Variants in KCNQ5 observed in about 807,000 individuals in gnomAD.
The protein encoded by KCNQ5 is potassium voltage-gated channel subfamily KQT member 5.
Under a neutral mutation model 98.2 loss-of-function variants are expected in KCNQ5, and 30 were observed. The observed-to-expected ratio is 0.31, with a 90% CI of 0.23 to 0.41. The LOEUF (loss-of-function observed/expected upper bound fraction) is 0.41. Among genes scored for constraint, KCNQ5 ranks in the 10% least tolerant of loss-of-function variants. KCNQ5 has a pLI of 1.00. For missense variants in KCNQ5, 835 were observed against 1,182.5 expected (o/e 0.71, Z 4.31); for synonymous variants, 458 against 449.4 (o/e 1.02, Z -0.24).
intron 1 of KCNQ5, among the ~76,000 whole-genome samples, chr6:72,970,110 T>A (rs905878382): frequency 2.0e-5 from 3 of 151,912 alleles, no homozygotes; most frequent in Non-Finnish European, 4.4e-5. Flanking sequence ...ATAAAATAAA[T>A]TAGCAGGGCA....
intron 9 of KCNQ5, 138 bp from the exon 10 acceptor site, chr6:73,133,283 A>T (rs1335532028): frequency 1.4e-6 from 1 of 694,544 alleles, no homozygotes; most frequent in African/African-American, 1.8e-5. Context: ...TAAGGGAAAA[A>T]TAATTGCTAT....
At chr6:72,696,128 G>T (rs374503597) in intron 1 of KCNQ5, among the ~76,000 whole-genome samples, 1 of 152,078 alleles carries the variant, frequency 6.6e-6, no homozygotes, top group African/African-American at 2.4e-5. Flanking sequence ...TCACTTCTCC[G>T]CATGAGAAAC....
intron 7 of KCNQ5, among the ~76,000 whole-genome samples, chr6:73,118,834 A>T (rs745617986): frequency 3.3e-5 from 5 of 152,152 alleles, no homozygotes; most frequent in Non-Finnish European, 5.9e-5. Flanking sequence ...CAGCCTGGCC[A>T]ACATAGTGAA....
At chr6:72,918,293 A>G (rs1780250911) in intron 1 of KCNQ5, among the ~76,000 whole-genome samples, 1 of 152,098 alleles carries the variant, frequency 6.6e-6, no homozygotes, top group Non-Finnish European at 1.5e-5. Flanking sequence ...TTATTTAAGT[A>G]TGGGACCCCT....
chr6:72,657,293 T>C (rs893109980), intron 1 of KCNQ5, among the ~76,000 whole-genome samples: 3 of 152,130 alleles, frequency 2.0e-5, no homozygotes, highest in African/African-American at 7.2e-5. Context: ...TTTCACAAAT[T>C]TGTTTTAGCC....
At chr6:72,954,437 A>G (rs936133792) in intron 1 of KCNQ5, among the ~76,000 whole-genome samples, 2 of 152,212 alleles carry the variant, frequency 1.3e-5, no homozygotes, top group African/African-American at 4.8e-5. Flanking sequence ...CAGTGTATCC[A>G]CTTAAGGAAG....
At chr6:72,849,906 T>G (rs1431055092) in intron 1 of KCNQ5, among the ~76,000 whole-genome samples, 3 of 152,186 alleles carry the variant, frequency 2.0e-5, no homozygotes, top group Non-Finnish European at 4.4e-5. Flanking sequence ...TTGTTGGAAT[T>G]TATAATACAC....
At chr6:72,680,841 G>C (rs1388733027) in intron 1 of KCNQ5, among the ~76,000 whole-genome samples, 1 of 152,136 alleles carries the variant, frequency 6.6e-6, no homozygotes, top group Non-Finnish European at 1.5e-5. Flanking sequence ...TTCCTCATTG[G>C]CTTTGTTGGA....
At chr6:73,115,198 G>GA (rs913703148) in intron 7 of KCNQ5, among the ~76,000 whole-genome samples, 28 of 150,936 alleles carry the variant, frequency 1.9e-4, no homozygotes, top group Admixed American at 4.6e-4. Context: ...ATGAAGGCAG[G>GA]AAAAAAAACA....
chr6:72,867,919 G>A (rs980464129), intron 1 of KCNQ5, among the ~76,000 whole-genome samples: 1 of 151,928 alleles, frequency 6.6e-6, no homozygotes, highest in African/African-American at 2.4e-5. Context: ...GGGCAAGAGT[G>A]AGACTCTAAA....
intron 2 of KCNQ5, among the ~76,000 whole-genome samples, chr6:73,041,050 G>T (rs1771663180): frequency 6.6e-6 from 1 of 152,138 alleles, no homozygotes; most frequent in Admixed American, 6.5e-5. Flanking sequence ...TTTAAAACAA[G>T]AAAGTGAATT....
At chr6:72,868,995 T>G (rs1239369649) in intron 1 of KCNQ5, among the ~76,000 whole-genome samples, 1 of 152,122 alleles carries the variant, frequency 6.6e-6, no homozygotes, top group Non-Finnish European at 1.5e-5. Flanking sequence ...ACTGTAATGT[T>G]CCTAACACAA....
At chr6:72,731,401 TAAC>T (rs1770544627) in intron 1 of KCNQ5, among the ~76,000 whole-genome samples, 3 of 152,218 alleles carry the variant, frequency 2.0e-5, no homozygotes, top group Non-Finnish European at 4.4e-5. Flanking sequence ...CTATCCCAAA[TAAC>T]AGTGTCTTTC....
chr6:73,048,137 T>C (rs1006069083), intron 3 of KCNQ5, among the ~76,000 whole-genome samples: 1 of 152,202 alleles, frequency 6.6e-6, no homozygotes, highest in African/African-American at 2.4e-5. Context: ...AAAAACAAGA[T>C]AATGTCATCT....
chr6:73,166,707 G>A (rs910947357), intron 10 of KCNQ5, among the ~76,000 whole-genome samples: 16 of 152,066 alleles, frequency 1.1e-4, no homozygotes, highest in Admixed American at 9.8e-4. Context: ...GAAATCATGG[G>A]CTCATTATGG....
chr6:73,064,674 C>T (rs1334861038), intron 3 of KCNQ5, among the ~76,000 whole-genome samples: 1 of 152,096 alleles, frequency 6.6e-6, no homozygotes, highest in African/African-American at 2.4e-5. Flanking sequence ...ATTGCTGTTC[C>T]TAAAAGCTGT....
chr6:72,671,623 A>C (rs1767111039), intron 1 of KCNQ5, among the ~76,000 whole-genome samples: 1 of 152,188 alleles, frequency 6.6e-6, no homozygotes, highest in South Asian at 2.1e-4. Context: ...TTTATACAGA[A>C]TGTAATACTT....
chr6:72,732,594 T>C (rs899455798), intron 1 of KCNQ5, among the ~76,000 whole-genome samples: 2 of 152,186 alleles, frequency 1.3e-5, no homozygotes. Flanking sequence ...CCACTGGGAC[T>C]AGATCATAAA....
At chr6:73,039,974 G>T (rs1346256817) in intron 2 of KCNQ5, among the ~76,000 whole-genome samples, 1 of 151,850 alleles carries the variant, frequency 6.6e-6, no homozygotes, top group East Asian at 1.9e-4. Flanking sequence ...CAGCCCTATT[G>T]GTTTTGCTTT....
Sources: gnomAD v4.1 joint callset for allele counts (sites outside exome capture counted in the v4.1 genomes callset) on GRCh38, gnomAD v4.1.1 for gene constraint, MANE v1.5 for transcripts, NCBI Gene and HGNC (gene_info 2026-07-23, HGNC 2026-07-21) for gene names.